Variants in MCTP2 observed in about 807,000 individuals in gnomAD.
The protein encoded by MCTP2 is multiple C2 and transmembrane domain-containing protein 2.
In MCTP2, 132 loss-of-function variants were observed where a neutral mutation model predicts 111.6. That is an observed-to-expected ratio of 1.18 (90% CI 1.03 to 1.37). The LOEUF (loss-of-function observed/expected upper bound fraction) is 1.37. Ranked by LOEUF, MCTP2 falls within the 40% of genes most tolerant of loss-of-function variation. The probability of loss-of-function intolerance (pLI) is 0.00; values close to 1 mark genes in which losing one functional copy is unlikely to be tolerated. For synonymous variants in MCTP2, 395 were observed against 387.7 expected, an observed-to-expected ratio of 1.02 and a Z score of -0.22; for missense variants, 1,183 against 1,067.9, an observed-to-expected ratio of 1.11 and a Z score of -1.50.
chr15:94,238,210 A>G (rs2070702246), intron 1 of MCTP2, among the ~76,000 whole-genome samples: 1 of 152,198 alleles, frequency 6.6e-6, no homozygotes, highest in Admixed American at 6.5e-5. Flanking sequence ...TTGACATAGT[A>G]GAGTGAGGAG....
chr15:94,335,500 T>A (rs2152396073), intron 4 of MCTP2, among the ~76,000 whole-genome samples: 1 of 152,330 alleles, frequency 6.6e-6, no homozygotes, highest in East Asian at 1.9e-4. Flanking sequence ...GCTGATTGAT[T>A]TCCATAATAA....
At chr15:94,360,907 C>G (rs1474902392) in intron 10 of MCTP2, among the ~76,000 whole-genome samples, 1 of 149,742 alleles carries the variant, frequency 6.7e-6, no homozygotes, top group African/African-American at 2.5e-5. Flanking sequence ...CAAAAGATAA[C>G]AAAAGTATCT....
At chr15:94,387,328 G>A (rs550961646) in intron 14 of MCTP2, among the ~76,000 whole-genome samples, 11 of 151,918 alleles carry the variant, frequency 7.2e-5, no homozygotes, top group South Asian at 6.2e-4. Context: ...CTACACACTA[G>A]ATAACAGTAA....
chr15:94,298,146 T>G, intron 1 of MCTP2, 55 bp from the exon 2 acceptor site: 7 of 758,010 alleles, frequency 9.2e-6, no homozygotes, highest in Non-Finnish European at 1.4e-5. Context: ...ACCAAGAAGG[T>G]TCATGTTTTT....
At chr15:94,271,670 A>G (rs1020338747) in intron 1 of MCTP2, among the ~76,000 whole-genome samples, 2 of 152,202 alleles carry the variant, frequency 1.3e-5, no homozygotes, top group African/African-American at 2.4e-5. Flanking sequence ...AAAGATAGGT[A>G]TTTGAATTTA....
intron 19 of MCTP2, among the ~76,000 whole-genome samples, chr15:94,443,995 A>C (rs1210141124): frequency 6.7e-6 from 1 of 149,676 alleles, no homozygotes; most frequent in African/African-American, 2.5e-5. Flanking sequence ...AAAAAAAAAA[A>C]AAAAAAAAAA....
At chr15:94,348,511 A>G (rs1378533065) in intron 8 of MCTP2, among the ~76,000 whole-genome samples, 1 of 8,042 alleles carries the variant, frequency 1.2e-4, no homozygotes, top group Non-Finnish European at 2.5e-4. Context: ...TCTCAAATGA[A>G]CTGCTCCGTG....
intron 1 of MCTP2, among the ~76,000 whole-genome samples, chr15:94,256,930 T>A (rs187732218): frequency 6.6e-6 from 1 of 152,180 alleles, no homozygotes; most frequent in African/African-American, 2.4e-5. Context: ...TGAAAATCCA[T>A]GACAAATCAA....
chr15:94,471,639 G>C (rs572135268), intron 21 of MCTP2, among the ~76,000 whole-genome samples: 2 of 151,866 alleles, frequency 1.3e-5, no homozygotes, highest in African/African-American at 4.8e-5. Context: ...TTGGAGGAAA[G>C]TCTCATCTGT....
In MCTP2 at chr15:94,250,735, A is replaced by G. The variant is rs1175347321; in HGVS notation, c.-66+19071A>G. 7.9e-5 allele frequency among the ~76,000 whole-genome samples: 12 copies of G among 152,320 alleles called. No individual in the cohort carries two copies. The South Asian group carries it at 1.0e-3, about 13-fold the overall frequency. On this transcript the variant is annotated intron_variant, in intron 1 of 22. Transcript: ENST00000357742. ...AGAGAAATGTGGCCTGAAAGAATAC[A>G]TTTTGATTTTTATGCTACTTATAGA...
intron 12 of MCTP2, among the ~76,000 whole-genome samples, chr15:94,380,771 A>G (rs1210469878): frequency 3.4e-5 from 5 of 148,860 alleles, no homozygotes; most frequent in Admixed American, 3.3e-4. Context: ...CCGTCTCAAA[A>G]AAAAAAAAGG....
chr15:94,245,539 T>C (rs973149548), intron 1 of MCTP2, among the ~76,000 whole-genome samples: 3 of 142,956 alleles, frequency 2.1e-5, no homozygotes, highest in African/African-American at 5.1e-5. Flanking sequence ...TATACATACA[T>C]GTATATATTT....
intron 1 of MCTP2, among the ~76,000 whole-genome samples, chr15:94,258,034 A>AT (rs60905293): frequency 0.018 from 1,796 of 98,954 alleles, 48 homozygotes; most frequent in African/African-American, 0.041. Context: ...CCACCATGTC[A>AT]TTTTTTTTTT....
Position 94,439,358 on chromosome 15 carries a change from C to G in MCTP2, c.2086-818C>G, listed in dbSNP as rs190516674. On this transcript the variant is annotated intron_variant, in intron 17 of 22. Coordinates refer to ENST00000357742, the MANE Select transcript of MCTP2 (RefSeq NM_001385001.1). ...CAAGCACTTACAGACAGCTGATAAC[C>G]ACAAATTACCTTATTTCGTCTTCTA... Among the ~76,000 whole-genome samples the G allele has an allele frequency of 3.2e-3, 479 of 151,230 alleles. 2 individuals carry two copies. Among genetic ancestry groups the G allele is most frequent in the African/African-American group, 0.011 (446 of 41,212 alleles).
At chr15:94,314,850 C>CT (rs2076309593) in intron 3 of MCTP2, 1 of 447,042 alleles carries the variant, frequency 2.2e-6, no homozygotes, top group South Asian at 1.6e-5. Context: ...GAGGAAGTGA[C>CT]TGAGTTGCGG....
At position 94,440,167 on chromosome 15, in the gene MCTP2, T is replaced by A; in HGVS notation, c.2086-9T>A. On this transcript the variant is annotated splice_polypyrimidine_tract_variant and intron_variant, in intron 17 of 22. Coordinates refer to ENST00000357742, the MANE Select transcript of MCTP2 (RefSeq NM_001385001.1). Reference sequence around the variant, plus strand: ...AGCAGTCGTGTATTCTTATTTGTCTTTCAATCAGGTATTTTTGATCACTGT... The same window carrying A: ...AGCAGTCGTGTATTCTTATTTGTCTATCAATCAGGTATTTTTGATCACTGT... 6 of 1,613,778 alleles carry A rather than the reference T, an allele frequency of 3.7e-6. No individual in the cohort carries two copies. Among genetic ancestry groups the A allele is most frequent in the Non-Finnish European group, 5.1e-6 (6 of 1,179,874 alleles).
intron 2 of MCTP2, among the ~76,000 whole-genome samples, chr15:94,313,052 T>A (rs2152360287): frequency 6.6e-6 from 1 of 152,302 alleles, no homozygotes; most frequent in South Asian, 2.1e-4. Context: ...TCTCCGGGGC[T>A]GCCTCTCATC....
chr15:94,450,909 G>A (rs947824815), intron 19 of MCTP2, among the ~76,000 whole-genome samples: 2 of 152,156 alleles, frequency 1.3e-5, no homozygotes, highest in South Asian at 2.1e-4. Context: ...CACCCTGATT[G>A]TGTAATTAAT....
At chr15:94,450,896 T>C (rs1225554748) in intron 19 of MCTP2, among the ~76,000 whole-genome samples, 4 of 152,222 alleles carry the variant, frequency 2.6e-5, no homozygotes, top group Admixed American at 6.5e-5. Flanking sequence ...AGATTTAAAG[T>C]AACACCCTGA....
Sources: allele counts gnomAD v4.1 joint callset (sites outside exome capture counted in the v4.1 genomes callset), GRCh38; gene constraint gnomAD v4.1.1; transcripts MANE v1.5; gene names NCBI Gene and HGNC (gene_info 2026-07-23, HGNC 2026-07-21).